UNC13C: variants seen among roughly 807,000 people sequenced by gnomAD.
The protein encoded by UNC13C is protein unc-13 homolog C.
A neutral mutation model predicts 245.4 loss-of-function variants in UNC13C; 174 were observed. The observed-to-expected ratio is 0.71, with a 90% CI of 0.63 to 0.80. UNC13C has a LOEUF of 0.80. Ranked by LOEUF, UNC13C falls within the 30% of genes least tolerant of loss-of-function variation. The pLI is 0.00. For missense variants in UNC13C, 2,829 were observed against 2,602.9 expected (o/e 1.09, Z -1.89); for synonymous variants, 992 against 895.1 (o/e 1.11, Z -1.93).
intron 1 of UNC13C, among the ~76,000 whole-genome samples, chr15:53,982,485 G>A (rs1435629975): frequency 6.6e-6 from 1 of 152,108 alleles, no homozygotes; most frequent in Non-Finnish European, 1.5e-5. Flanking sequence ...GCACGTTTCT[G>A]AAAGGGGGCA....
At chr15:54,339,413 C>T (rs1434697501) in intron 17 of UNC13C, among the ~76,000 whole-genome samples, 1 of 152,080 alleles carries the variant, frequency 6.6e-6, no homozygotes, top group Non-Finnish European at 1.5e-5. Context: ...TTTTCCCTCA[C>T]ACCCCTCCGA....
At chr15:54,171,040 G>A (rs1394115375) in intron 4 of UNC13C, among the ~76,000 whole-genome samples, 2 of 152,112 alleles carry the variant, frequency 1.3e-5, no homozygotes, top group African/African-American at 4.8e-5. Context: ...CCTTTTTAGT[G>A]TGCCAATTAA....
At chr15:54,127,783 TTAATA>T (rs997375282) in intron 2 of UNC13C, among the ~76,000 whole-genome samples, 3 of 144,732 alleles carry the variant, frequency 2.1e-5, no homozygotes, top group Admixed American at 7.1e-5. Flanking sequence ...AATAATATAT[TTAATA>T]TAATATATAA....
chr15:54,605,007 A>G (rs939892289), intron 30 of UNC13C, among the ~76,000 whole-genome samples: 38 of 152,148 alleles, frequency 2.5e-4, no homozygotes, highest in Non-Finnish European at 4.4e-5. Context: ...GAGATGGGTA[A>G]TTTCCTCATC....
chr15:53,975,447 T>A (rs1010711645), upstream of UNC13C, among the ~76,000 whole-genome samples: 1 of 152,206 alleles, frequency 6.6e-6, no homozygotes, highest in Non-Finnish European at 1.5e-5. Context: ...TATTGTTTTT[T>A]AAAAAATATA....
In UNC13C at chr15:54,449,958, A is replaced by T. The variant is rs775888972; in HGVS notation, c.4933+34891A>T. ...ACGTACAGATGGGGTTTTGGTGTGG[A>T]TGTCCTTTCTCTTTGTTAGTTTTCC... On this transcript the variant is annotated intron_variant, in intron 19 of 32. Transcript: ENST00000260323. Among the ~76,000 whole-genome samples, 87 of 152,068 alleles carry T rather than the reference A, an allele frequency of 5.7e-4. 1 individual carries two copies. The highest frequency in any genetic ancestry group is 2.6e-4 in the Admixed American group (4 of 15,272).
At chr15:54,416,474 A>G (rs2040523526) in intron 19 of UNC13C, among the ~76,000 whole-genome samples, 2 of 152,150 alleles carry the variant, frequency 1.3e-5, no homozygotes, top group South Asian at 2.1e-4. Context: ...CAGAGGTACA[A>G]TTCCTTACTT....
intron 30 of UNC13C, among the ~76,000 whole-genome samples, chr15:54,620,719 G>C (rs950106780): frequency 6.6e-6 from 1 of 150,380 alleles, no homozygotes; most frequent in East Asian, 2.0e-4. Flanking sequence ...CCTACAAGTC[G>C]AGCCTAGAGT....
chr15:54,337,743 G>A (rs1051596713), intron 16 of UNC13C, among the ~76,000 whole-genome samples: 1 of 152,058 alleles, frequency 6.6e-6, no homozygotes. Flanking sequence ...ATAAAAGTTA[G>A]TTGTTTTGCT....
intron 2 of UNC13C, among the ~76,000 whole-genome samples, chr15:54,058,778 T>G (rs955793125): frequency 1.3e-5 from 2 of 152,176 alleles, no homozygotes; most frequent in African/African-American, 2.4e-5. Flanking sequence ...CATGTGGGCT[T>G]CATCCCTGGG....
At chr15:54,616,169 G>T (rs1900418431) in intron 30 of UNC13C, among the ~76,000 whole-genome samples, 1 of 151,982 alleles carries the variant, frequency 6.6e-6, no homozygotes, top group Non-Finnish European at 1.5e-5. Context: ...TGTAGCCATG[G>T]AGACTCACTT....
chr15:54,443,756 G>T (rs182167540), intron 19 of UNC13C, among the ~76,000 whole-genome samples: 2 of 151,276 alleles, frequency 1.3e-5, no homozygotes, highest in Admixed American at 1.3e-4. Flanking sequence ...TTATTTTATT[G>T]TTGTATGAGA....
At chr15:54,263,981 C>A (rs1485118659) in intron 8 of UNC13C, among the ~76,000 whole-genome samples, 187 bp from the exon 9 acceptor site, 1 of 152,002 alleles carries the variant, frequency 6.6e-6, no homozygotes, top group African/African-American at 2.4e-5. Context: ...GCCAATAACA[C>A]AAAGGAGTAC....
intron 19 of UNC13C, among the ~76,000 whole-genome samples, chr15:54,434,750 A>C (rs1404052023): frequency 1.3e-5 from 2 of 152,168 alleles, no homozygotes; most frequent in East Asian, 3.9e-4. Context: ...TAATTAAACT[A>C]AAGAGCTTCT....
rs1263401571 is a variant in UNC13C at position 54,332,214 on chromosome 15, A to T, written c.4494+103A>T. On this transcript the variant is annotated intron_variant, in intron 15 of 32. Coordinates refer to ENST00000260323, the MANE Select transcript of UNC13C (RefSeq NM_001080534.3). Reference sequence around the variant, plus strand: ...CATCATGTAATAGAAAAATAAAAATATTGATCTCAGGTGCTGTTACCCTTA... The same window carrying T: ...CATCATGTAATAGAAAAATAAAAATTTTGATCTCAGGTGCTGTTACCCTTA... 8.8e-6 allele frequency: 7 copies of T among 799,938 alleles called. No homozygotes were observed. The Admixed American group carries it at 1.5e-4, about 17-fold the overall frequency. The allele number at this position is 799,938 out of a possible 1,614,324, so 49.6% of individuals were successfully genotyped here.
At chr15:54,135,768 C>T (rs2031696755) in intron 2 of UNC13C, among the ~76,000 whole-genome samples, 1 of 152,052 alleles carries the variant, frequency 6.6e-6, no homozygotes. Context: ...TTAAAGATTG[C>T]TTTGGCTATT....
chr15:54,588,031 G>A (rs1898582791), intron 30 of UNC13C, among the ~76,000 whole-genome samples: 1 of 152,170 alleles, frequency 6.6e-6, no homozygotes. Flanking sequence ...TTTGTATGGT[G>A]TTCTGTATTA....
At chr15:54,591,985 G>C (rs975268153) in intron 30 of UNC13C, among the ~76,000 whole-genome samples, 10 of 151,876 alleles carry the variant, frequency 6.6e-5, no homozygotes, top group African/African-American at 2.4e-4. Flanking sequence ...GGTTTTGATA[G>C]GTTGTATAAT....
chr15:53,921,442 T>C, the UNC13C span, among the ~76,000 whole-genome samples: 1 of 152,208 alleles, frequency 6.6e-6, no homozygotes, highest in African/African-American at 2.4e-5. Flanking sequence ...GTCAAGATGA[T>C]CTCTGAGTGA....
Sources: allele counts gnomAD v4.1 joint callset (sites outside exome capture counted in the v4.1 genomes callset), GRCh38; gene constraint gnomAD v4.1.1; transcripts MANE v1.5; gene names NCBI Gene and HGNC (gene_info 2026-07-23, HGNC 2026-07-21).